The following MAD1L1 variants were observed in gnomAD, a reference collection of about 807,000 sequenced individuals.
The protein encoded by MAD1L1 is mitotic spindle assembly checkpoint protein MAD1.
MAD1L1 carries 95 observed loss-of-function variants against 96.9 expected under a neutral mutation model. The ratio of observed to expected loss-of-function variants is 0.98; its 90% CI spans 0.83 to 1.16. MAD1L1 has a LOEUF of 1.16. MAD1L1 is among the 50% of genes most tolerant of loss of function. The pLI, the probability that MAD1L1 is intolerant of heterozygous loss-of-function variation, is 0.00. For synonymous variants in MAD1L1, 473 were observed against 396.6 expected (o/e 1.19, Z -2.29); for missense variants, 1,007 against 954.4 (o/e 1.06, Z -0.73).
chr7:2,032,591 C>A (rs1182860218), intron 12 of MAD1L1, among the ~76,000 whole-genome samples: 1 of 152,244 alleles, frequency 6.6e-6, no homozygotes, highest in African/African-American at 2.4e-5. Flanking sequence ...TCCTTCAGAG[C>A]TGTGCTGGGC....
chr7:1,862,203 C>A (rs1784567798), intron 18 of MAD1L1, among the ~76,000 whole-genome samples: 1 of 152,198 alleles, frequency 6.6e-6, no homozygotes, highest in African/African-American at 2.4e-5. Flanking sequence ...CCAGGTTACT[C>A]CGGGTTGGTC....
intron 18 of MAD1L1, among the ~76,000 whole-genome samples, chr7:1,887,369 G>A (rs1363598333): frequency 6.6e-6 from 1 of 151,878 alleles, no homozygotes; most frequent in Non-Finnish European, 1.5e-5. Flanking sequence ...GTGTGTGGGT[G>A]GCTGTGCATG....
intron 11 of MAD1L1, among the ~76,000 whole-genome samples, chr7:2,093,211 C>T (rs1786303220): frequency 7.1e-6 from 1 of 140,140 alleles, no homozygotes; most frequent in Admixed American, 7.6e-5. Context: ...CACCACTGCA[C>T]TCCAGCCTGG....
chr7:1,946,846 C>A (rs1000929371), intron 16 of MAD1L1, among the ~76,000 whole-genome samples: 6 of 152,214 alleles, frequency 3.9e-5, no homozygotes. Flanking sequence ...GCGGGTGCTC[C>A]CGGGCTGCCT....
intron 10 of MAD1L1, among the ~76,000 whole-genome samples, chr7:2,178,694 C>T (rs1334082716): frequency 3.3e-5 from 5 of 152,062 alleles, no homozygotes; most frequent in African/African-American, 1.2e-4. Flanking sequence ...GTCAGAAGTT[C>T]GAGACAAGCC....
rs1394282797 is a variant in MAD1L1 at position 1,832,660 on chromosome 7, C to T, written c.1999-16432G>A. 6.1e-5 allele frequency among the ~76,000 whole-genome samples: 3 copies of T among 48,852 alleles called. 1 individual carries two copies. Among genetic ancestry groups the T allele is most frequent in the African/African-American group, 8.6e-5 (1 of 11,664 alleles). The allele number at this position is 48,852 out of a possible 152,430, so 32.0% of individuals were successfully genotyped here. On this transcript the variant is annotated intron_variant, in intron 18 of 18. Transcript: ENST00000265854. ...GGGGGGGGGGGGGTGGGGATGGAGT[C>T]GTGCTCTGTTGCCCAGGCTGGAGTG...
chr7:2,205,418 G>T (rs903299091), intron 10 of MAD1L1, among the ~76,000 whole-genome samples: 4 of 152,152 alleles, frequency 2.6e-5, no homozygotes, highest in African/African-American at 4.8e-5. Flanking sequence ...ATATTTTTCA[G>T]ATTTAGCATT....
intron 18 of MAD1L1, among the ~76,000 whole-genome samples, chr7:1,817,965 G>A (rs1781912118): frequency 1.3e-5 from 2 of 151,922 alleles, no homozygotes; most frequent in Admixed American, 6.6e-5. Context: ...TGTTTCTCAG[G>A]AGCCGTCCCC....
At chr7:2,094,771 C>T (rs1786396248) in intron 11 of MAD1L1, among the ~76,000 whole-genome samples, 1 of 148,544 alleles carries the variant, frequency 6.7e-6, no homozygotes, top group East Asian at 2.0e-4. Context: ...CTCCAACCAA[C>T]GAAACCACAT....
intron 10 of MAD1L1, among the ~76,000 whole-genome samples, chr7:2,208,224 A>G (rs1380032876): frequency 6.6e-6 from 1 of 152,076 alleles, no homozygotes; most frequent in Non-Finnish European, 1.5e-5. Context: ...GCTCACTGCT[A>G]GTATACAGAA....
intron 18 of MAD1L1, among the ~76,000 whole-genome samples, chr7:1,895,236 G>A (rs932763596): frequency 2.0e-5 from 3 of 152,208 alleles, no homozygotes; most frequent in East Asian, 1.9e-4. Context: ...AAATGAAACC[G>A]ATGGACCAAG....
chr7:2,039,464 TC>T (rs1783584437), intron 12 of MAD1L1, among the ~76,000 whole-genome samples: 1 of 152,198 alleles, frequency 6.6e-6, no homozygotes. Flanking sequence ...CTGCACCCTG[TC>T]ACTCTCCCAT....
chr7:2,099,773 C>T (rs1786683563), intron 11 of MAD1L1, among the ~76,000 whole-genome samples: 1 of 152,254 alleles, frequency 6.6e-6, no homozygotes, highest in African/African-American at 2.4e-5. Context: ...GAGCTCTCAA[C>T]CCTGCAGGGA....
intron 18 of MAD1L1, among the ~76,000 whole-genome samples, chr7:1,862,444 T>C (rs1562467640): frequency 6.6e-6 from 1 of 152,160 alleles, no homozygotes; most frequent in Non-Finnish European, 1.5e-5. Context: ...GGCAGGGGCT[T>C]GAGGATTTGT....
At chr7:2,231,876 C>G (rs1172344348) in intron 1 of MAD1L1, among the ~76,000 whole-genome samples, 1 of 151,922 alleles carries the variant, frequency 6.6e-6, no homozygotes, top group African/African-American at 2.4e-5. Context: ...TTGTGGGGAA[C>G]GGGGCCAATA....
At chr7:2,214,756 T>C (rs576952564) in intron 9 of MAD1L1, among the ~76,000 whole-genome samples, 2 of 152,306 alleles carry the variant, frequency 1.3e-5, no homozygotes, top group African/African-American at 4.8e-5. Context: ...GCCCGCAACA[T>C]GACTGCAGGA....
At chr7:2,141,265 C>T (rs375791836) in intron 11 of MAD1L1, among the ~76,000 whole-genome samples, 2 of 152,266 alleles carry the variant, frequency 1.3e-5, no homozygotes, top group African/African-American at 4.8e-5. Flanking sequence ...CCCCTCCAAG[C>T]AGGCAGACAC....
intron 13 of MAD1L1, among the ~76,000 whole-genome samples, chr7:2,004,835 A>T (rs1178229715): frequency 6.6e-6 from 1 of 152,196 alleles, no homozygotes; most frequent in East Asian, 1.9e-4. Flanking sequence ...TCAGCCTAGC[A>T]CTTCCATCGA....
intron 3 of MAD1L1, among the ~76,000 whole-genome samples, chr7:2,226,059 C>T (rs898427022): frequency 1.3e-5 from 2 of 152,202 alleles, no homozygotes; most frequent in Admixed American, 1.3e-4. Context: ...TCAACCACGT[C>T]CAATCTCCCT....
Sources: allele counts gnomAD v4.1 joint callset (sites outside exome capture counted in the v4.1 genomes callset), GRCh38; gene constraint gnomAD v4.1.1; transcripts MANE v1.5; gene names NCBI Gene and HGNC (gene_info 2026-07-23, HGNC 2026-07-21).